USP34: variants seen among roughly 807,000 people sequenced by gnomAD.
USP34 encodes the protein ubiquitin carboxyl-terminal hydrolase 34.
USP34 carries 70 observed loss-of-function variants against 460.3 expected under a neutral mutation model. The observed-to-expected ratio is 0.15, with a 90% confidence interval of 0.13 to 0.19. The LOEUF is 0.19. Ranked by LOEUF, USP34 falls within the 10% of genes least tolerant of loss-of-function variation. The pLI is 1.00. For synonymous variants in USP34, 1,647 were observed against 1,405.3 expected (o/e 1.17, Z -3.85); for missense variants, 3,985 against 4,236.2 (o/e 0.94, Z 1.65).
intron 23 of USP34, among the ~76,000 whole-genome samples, chr2:61,316,275 G>C (rs893158030): frequency 6.6e-5 from 10 of 151,866 alleles, no homozygotes; most frequent in Non-Finnish European, 1.2e-4. Context: ...TAAAATAAAA[G>C]CATTTTAGAT....
intron 1 of USP34, among the ~76,000 whole-genome samples, chr2:61,459,946 C>G (rs1014138051): frequency 2.6e-5 from 4 of 152,110 alleles, no homozygotes. Flanking sequence ...CCTGTAGTCC[C>G]AGCCACTCGG....
In USP34 at chr2:61,299,192, C is replaced by T. The variant is rs530324720; in HGVS notation, c.4128+1759G>A. On this transcript the variant is annotated intron_variant, in intron 29 of 79. Transcript: ENST00000398571. Reference sequence around the variant, plus strand: ...CAGAAGGCTCAATGGCAGCCCACTGCATCCATTATCAAACACATCATGGAA... The same window carrying T: ...CAGAAGGCTCAATGGCAGCCCACTGTATCCATTATCAAACACATCATGGAA... 2.6e-5 allele frequency among the ~76,000 whole-genome samples: 4 copies of T among 152,220 alleles called. No homozygotes were observed. In the East Asian group the frequency reaches 5.8e-4, roughly 22 times the overall value.
intron 51 of USP34, among the ~76,000 whole-genome samples, chr2:61,244,644 C>T (rs952734273): frequency 6.6e-6 from 1 of 150,704 alleles, no homozygotes; most frequent in Non-Finnish European, 1.5e-5. Context: ...AAAGTCTTTT[C>T]TCAATTATGT....
At chr2:61,370,669 G>T in intron 8 of USP34, 90 bp from the exon 9 acceptor site, 2 of 1,119,440 alleles carry the variant, frequency 1.8e-6, no homozygotes, top group Non-Finnish European at 2.6e-6. Flanking sequence ...ACCTAAATTT[G>T]TTCCTATAGG....
chr2:61,301,223 C>G (rs1690213834), intron 28 of USP34, 63 bp from the exon 29 acceptor site: 18 of 1,541,248 alleles, frequency 1.2e-5, no homozygotes, highest in South Asian at 1.1e-4. Flanking sequence ...AACGGTAAAT[C>G]TGAAGTATAG....
chr2:61,394,785 TA>T, intron 5 of USP34, 67 bp downstream of exon 5: 1 of 1,271,142 alleles, frequency 7.9e-7, no homozygotes, highest in Non-Finnish European at 1.0e-6. Context: ...TTTCAGAGCA[TA>T]AAATTCATGT....
chr2:61,433,143 T>TG (rs1381002503), intron 1 of USP34, among the ~76,000 whole-genome samples: 1 of 152,208 alleles, frequency 6.6e-6, no homozygotes, highest in Non-Finnish European at 1.5e-5. Flanking sequence ...TGAGTGCAGT[T>TG]GGGGAATGGA....
At chr2:61,325,033 G>C (rs1276557113) in intron 21 of USP34, among the ~76,000 whole-genome samples, 1 of 152,154 alleles carries the variant, frequency 6.6e-6, no homozygotes, top group African/African-American at 2.4e-5. Flanking sequence ...TTGTAAGCAG[G>C]AGCTAAACAA....
At chr2:61,210,543 C>T (rs1258830885) in intron 69 of USP34, among the ~76,000 whole-genome samples, 2 of 152,110 alleles carry the variant, frequency 1.3e-5, no homozygotes, top group Non-Finnish European at 2.9e-5. Context: ...AAATTTATTT[C>T]TCAGAATGTA....
chr2:61,265,210 C>G, intron 43 of USP34, 187 bp downstream of exon 43: 1 of 626,236 alleles, frequency 1.6e-6, no homozygotes, highest in Non-Finnish European at 2.7e-6. Context: ...AACTGTACTA[C>G]AGCATTATGA....
intron 8 of USP34, 23 bp from the exon 9 acceptor site, chr2:61,370,602 G>C: frequency 6.3e-7 from 1 of 1,595,218 alleles, no homozygotes; most frequent in Non-Finnish European, 8.5e-7. Context: ...AATGAAAATA[G>C]TACATTAAAA....
chr2:61,459,807 C>G (rs559852043), intron 1 of USP34, among the ~76,000 whole-genome samples: 73 of 150,002 alleles, frequency 4.9e-4, no homozygotes, highest in African/African-American at 1.6e-3. Flanking sequence ...CACCTGTAAT[C>G]GTAGCACTTT....
chr2:61,343,309 C>A (rs1691662112), intron 16 of USP34, among the ~76,000 whole-genome samples: 1 of 152,094 alleles, frequency 6.6e-6, no homozygotes, highest in Non-Finnish European at 1.5e-5. Flanking sequence ...CTGGTCATGT[C>A]CTATTACTTT....
chr2:61,451,220 C>CAA lies in USP34; in HGVS notation c.43+19428_43+19429dup, dbSNP rs70963432. 7.9e-4 allele frequency among the ~76,000 whole-genome samples: 40 copies of CAA among 50,694 alleles called. 1 individual carries two copies. The highest frequency in any genetic ancestry group is 1.1e-3 in the South Asian group (3 of 2,620). The allele number at this position is 50,694 out of a possible 152,430, so 33.3% of individuals were successfully genotyped here. On this transcript the variant is annotated intron_variant, in intron 1 of 79. Transcript: ENST00000398571. ...CAGGTGACAGTGTGAGGCTTCATCTCAAAAAAAAAAAAAAAAAAAAAAAAA... is the reference window on the plus strand; with the variant it reads ...CAGGTGACAGTGTGAGGCTTCATCTCAAAAAAAAAAAAAAAAAAAAAAAAAAA...
rs1237055623 is a variant in USP34 at position 61,187,803 on chromosome 2, A to G, written c.*299T>C. ...ATGCTGTAAGTTTAAATTACATTGT[A>G]CAGGGCTAGGCAACCCTGTTCTTCC... On this transcript the variant is annotated 3_prime_UTR_variant, in exon 80 of 80. Coordinates refer to ENST00000398571, the MANE Select transcript of USP34 (RefSeq NM_014709.4). 8.7e-6 allele frequency: 8 copies of G among 916,178 alleles called. No individual in the cohort carries two copies. The highest frequency in any genetic ancestry group is 5.4e-5 in the East Asian group (1 of 18,590). 56.8% of individuals were successfully genotyped at this position (916,178 alleles called of 1,614,324 possible).
chr2:61,419,207 G>C (rs1694288196), intron 2 of USP34, among the ~76,000 whole-genome samples: 1 of 151,810 alleles, frequency 6.6e-6, no homozygotes, highest in Non-Finnish European at 1.5e-5. Flanking sequence ...TTTAAATAGA[G>C]ATGGGGTCTC....
At chr2:61,232,369 C>T (rs1000322925) in intron 58 of USP34, 83 bp downstream of exon 58, 3 of 1,142,862 alleles carry the variant, frequency 2.6e-6, no homozygotes, top group East Asian at 2.4e-5. Context: ...TAGGTTAAGA[C>T]ACACTTATAA....
chr2:61,390,467 C>G (rs1572995024), intron 5 of USP34, among the ~76,000 whole-genome samples: 1 of 152,176 alleles, frequency 6.6e-6, no homozygotes, highest in African/African-American at 2.4e-5. Flanking sequence ...TAAAAAGCTG[C>G]ATTTGCAAAG....
chr2:61,248,711 G>A, intron 48 of USP34, 28 bp from the exon 49 acceptor site: 1 of 1,515,522 alleles, frequency 6.6e-7, no homozygotes, highest in Non-Finnish European at 8.9e-7. Context: ...AATTAATAAA[G>A]ATTATTTTTT....
Sources: allele counts gnomAD v4.1 joint callset (sites outside exome capture counted in the v4.1 genomes callset), GRCh38; gene constraint gnomAD v4.1.1; transcripts MANE v1.5; gene names NCBI Gene and HGNC (gene_info 2026-07-23, HGNC 2026-07-21).